DYRK1A: variants seen among roughly 807,000 people sequenced by gnomAD.
DYRK1A encodes the protein dual specificity tyrosine phosphorylation regulated kinase 1A.
In DYRK1A, 9 loss-of-function variants were observed where a neutral mutation model predicts 79.7. The ratio of observed to expected loss-of-function variants is 0.11; its 90% confidence interval spans 0.07 to 0.20. The LOEUF is 0.20. Ranked by LOEUF, DYRK1A falls within the 10% of genes least tolerant of loss-of-function variation. The pLI is 1.00. For synonymous variants in DYRK1A, 349 were observed against 329.7 expected, an observed-to-expected ratio of 1.06 and a Z score of -0.63; for missense variants, 622 against 956.0, an observed-to-expected ratio of 0.65 and a Z score of 4.61.
Position 37,508,105 on chromosome 21 carries a change from A to G in DYRK1A, c.1644+1882A>G, listed in dbSNP as rs144645002. Among the ~76,000 whole-genome samples the G allele has an allele frequency of 1.8e-3, 275 of 152,330 alleles. 1 individual carries two copies. Among genetic ancestry groups the G allele is most frequent in the Non-Finnish European group, 2.7e-3 (183 of 68,026 alleles). On this transcript the variant is annotated intron_variant, in intron 11 of 11. Coordinates refer to ENST00000647188, the MANE Select transcript of DYRK1A (RefSeq NM_001347721.2). The stretch of plus-strand genomic sequence containing the variant: ...CCTCTTTCCCCACACTGAATCAGAC[A>G]GTAAATTATCTGGATTCACCACATC...
intron 3 of DYRK1A, among the ~76,000 whole-genome samples, chr21:37,474,579 G>A (rs1379227492): frequency 6.6e-6 from 1 of 152,176 alleles, no homozygotes; most frequent in Admixed American, 6.5e-5. Context: ...TCATGATCTG[G>A]TTGTAGGATT....
chr21:37,378,991 G>A (rs888365747), intron 1 of DYRK1A, among the ~76,000 whole-genome samples: 2 of 152,108 alleles, frequency 1.3e-5, no homozygotes, highest in African/African-American at 4.8e-5. Flanking sequence ...GTGGGCAATG[G>A]GTGGTGGTGG....
At chr21:37,395,572 A>C (rs1001956065) in intron 1 of DYRK1A, among the ~76,000 whole-genome samples, 3 of 152,156 alleles carry the variant, frequency 2.0e-5, no homozygotes, top group African/African-American at 4.8e-5. Context: ...ATTAAATTTA[A>C]ATTAAATTTC....
At chr21:37,504,363 C>G (rs1409529640) in intron 9 of DYRK1A, 1 of 152,302 alleles carries the variant, frequency 6.6e-6, no homozygotes, top group Non-Finnish European at 1.5e-5. Flanking sequence ...CTGGAGTCTT[C>G]TCGCTCATCT....
chr21:37,437,597 C>G (rs1366401213), intron 2 of DYRK1A, among the ~76,000 whole-genome samples: 1 of 151,906 alleles, frequency 6.6e-6, no homozygotes, highest in East Asian at 1.9e-4. Context: ...TTCACTTGTT[C>G]CAGAATTTTA....
In DYRK1A at chr21:37,517,979, A is replaced by G. The variant is rs1031459562; in HGVS notation, c.*5448A>G. On this transcript the variant is annotated 3_prime_UTR_variant, in exon 12 of 12. Transcript: ENST00000647188. The stretch of plus-strand genomic sequence containing the variant: ...TGTGATTGCAGCTCACTGCAGCCTT[A>G]AACAACTGGGCTAGGTGATCCTCCC... 6.6e-6 allele frequency: 1 copy of G among 152,130 alleles called. No homozygotes were observed. Among genetic ancestry groups the G allele is most frequent in the African/African-American group, 2.4e-5 (1 of 41,392 alleles). 9.4% of individuals were successfully genotyped at this position (152,130 alleles called of 1,614,324 possible).
upstream of DYRK1A, chr21:37,366,137 G>A (rs1037239357): frequency 2.0e-5 from 3 of 151,670 alleles, no homozygotes; most frequent in Non-Finnish European, 2.9e-5. Flanking sequence ...GGACGGTCGC[G>A]GCCGCCGCGC....
At chr21:37,391,604 C>T (rs1271884902) in intron 1 of DYRK1A, among the ~76,000 whole-genome samples, 1 of 152,120 alleles carries the variant, frequency 6.6e-6, no homozygotes, top group African/African-American at 2.4e-5. Context: ...CCTCCTTAAC[C>T]CCTTGTTTAC....
At position 37,512,347 on chromosome 21, in the gene DYRK1A, C is replaced by T; in HGVS notation, c.2081C>T (p.Thr694Ile). The T allele has an allele frequency of 6.2e-7, 1 of 1,614,216 alleles. No homozygotes were observed. The highest frequency in any genetic ancestry group is 8.5e-7 in the Non-Finnish European group (1 of 1,180,040). ...AATGGAGCTATGGACGTTAATTTGA[C>T]CGTCTACTCCAATCCCCGCCAAGAG... ...GQNGAMDVNL[T>I]VYSNPRQETG... The change falls in exon 12 of 12, where the codon ACC becomes ATC. Residue 694 changes from threonine to isoleucine, a missense_variant. Around this residue, in one of 5 missense-constraint regions of DYRK1A, gnomAD observed 292 missense variants for 316.7 expected, o/e 0.92. Coordinates refer to ENST00000647188, the MANE Select transcript of DYRK1A (RefSeq NM_001347721.2).
intron 2 of DYRK1A, among the ~76,000 whole-genome samples, chr21:37,471,674 A>G (rs1223930405): frequency 2.0e-5 from 3 of 152,164 alleles, no homozygotes; most frequent in African/African-American, 7.2e-5. Context: ...GGGATCTCCA[A>G]CCCCAGCAAC....
chr21:37,373,797 T>C (rs1296874469), intron 1 of DYRK1A, among the ~76,000 whole-genome samples: 1 of 152,212 alleles, frequency 6.6e-6, no homozygotes, highest in Non-Finnish European at 1.5e-5. Context: ...CTTTGATAGG[T>C]GACTATTTGG....
At chr21:37,468,472 A>G (rs1228756428) in intron 2 of DYRK1A, among the ~76,000 whole-genome samples, 3 of 152,162 alleles carry the variant, frequency 2.0e-5, no homozygotes, top group African/African-American at 7.2e-5. Flanking sequence ...AAGCTATTGT[A>G]ATTTAGGTAG....
rs977521771 is a variant in DYRK1A at position 37,449,009 on chromosome 21, G to A, written c.11-23675G>A. Among the ~76,000 whole-genome samples, 14 of 152,098 alleles carry A rather than the reference G, an allele frequency of 9.2e-5. No individual in the cohort carries two copies. In the South Asian group the frequency reaches 1.0e-3, roughly 11 times the overall value. ...CACCATGCGTGGACCTAGGAATTAC[G>A]TAATTTGATTTGAAGAGTCATATCA... is the stretch of plus-strand genomic sequence containing the variant. On this transcript the variant is annotated intron_variant, in intron 2 of 11. Coordinates refer to ENST00000647188, the MANE Select transcript of DYRK1A (RefSeq NM_001347721.2).
chr21:37,397,488 A>G (rs546978712), intron 1 of DYRK1A, among the ~76,000 whole-genome samples: 11 of 152,298 alleles, frequency 7.2e-5, no homozygotes, highest in African/African-American at 2.6e-4. Flanking sequence ...GAAGTTTGCT[A>G]CACTCTGGTT....
intron 5 of DYRK1A, among the ~76,000 whole-genome samples, chr21:37,483,094 A>G (rs1331722414): frequency 2.0e-5 from 3 of 152,196 alleles, no homozygotes; most frequent in African/African-American, 7.2e-5. Flanking sequence ...TGAAGGGATT[A>G]AGAGATTAAA....
intron 2 of DYRK1A, among the ~76,000 whole-genome samples, chr21:37,420,738 T>C (rs2050452487): frequency 6.6e-6 from 1 of 152,130 alleles, no homozygotes; most frequent in Non-Finnish European, 1.5e-5. Context: ...GGCAGATCTT[T>C]TATGGGAGTA....
Position 37,525,763 on chromosome 21 carries a change from T to C in DYRK1A, c.*13232T>C, listed in dbSNP as rs1272123682. On this transcript the variant is annotated 3_prime_UTR_variant, in exon 12 of 12. Transcript: ENST00000647188. The stretch of plus-strand genomic sequence containing the variant: ...CACTATCAACAGCTCTCATGAATTT[T>C]TGTCAGAAATATTAGCTGAATATCC... 2 of 152,230 alleles carry C rather than the reference T, an allele frequency of 1.3e-5. No individual in the cohort carries two copies. Among genetic ancestry groups the C allele is most frequent in the East Asian group, 3.9e-4 (2 of 5,194 alleles). 9.4% of individuals were successfully genotyped at this position (152,230 alleles called of 1,614,324 possible).
chr21:37,376,986 A>T (rs1219310563), intron 1 of DYRK1A, among the ~76,000 whole-genome samples: 1 of 152,212 alleles, frequency 6.6e-6, no homozygotes, highest in Non-Finnish European at 1.5e-5. Flanking sequence ...TTAGAAAACT[A>T]TGTATGATTC....
chr21:37,509,826 T>C (rs548156384), intron 11 of DYRK1A, among the ~76,000 whole-genome samples: 1 of 152,358 alleles, frequency 6.6e-6, no homozygotes, highest in South Asian at 2.1e-4. Flanking sequence ...TCCCTTCTTA[T>C]CCACAGTTCC....
Sources: allele counts gnomAD v4.1 joint callset (sites outside exome capture counted in the v4.1 genomes callset), GRCh38; gene constraint gnomAD v4.1.1; regional missense constraint gnomAD v4.1.1; transcripts MANE v1.5; gene names NCBI Gene and HGNC (gene_info 2026-07-23, HGNC 2026-07-21).